The following TMEM98 variants were observed in gnomAD, a reference collection of about 807,000 sequenced individuals.
The protein encoded by TMEM98 is transmembrane protein 98.
TMEM98 carries 18 observed loss-of-function variants against 25.0 expected under a neutral mutation model. The ratio of observed to expected loss-of-function variants is 0.72; its 90% confidence interval spans 0.50 to 1.07. The LOEUF is 1.07. TMEM98 is among the 50% of genes least tolerant of loss of function. TMEM98 has a pLI of 0.00. For synonymous variants in TMEM98, 103 were observed against 112.4 expected (o/e 0.92, Z 0.53); for missense variants, 241 against 289.0 (o/e 0.83, Z 1.20).
chr17:32,929,161 T>C (rs115615726), intron 1 of TMEM98, among the ~76,000 whole-genome samples: 3,637 of 150,970 alleles, frequency 0.024, 144 homozygotes, highest in African/African-American at 0.083. Flanking sequence ...CTCAGAAACA[T>C]AGCTAACACT....
intron 7 of TMEM98, among the ~76,000 whole-genome samples, chr17:32,940,062 G>A (rs543799853): frequency 7.9e-5 from 12 of 152,244 alleles, no homozygotes; most frequent in East Asian, 1.9e-4. Flanking sequence ...AGATTCTTTC[G>A]TGCCTTGGAT....
intron 7 of TMEM98, 127 bp downstream of exon 7, chr17:32,939,663 G>A (rs1039388066): frequency 1.5e-5 from 17 of 1,121,562 alleles, no homozygotes; most frequent in African/African-American, 6.2e-5. Flanking sequence ...TAGGCTGCCC[G>A]GGCCATGCGT....
At chr17:32,934,450 A>G in intron 5 of TMEM98, 126 bp downstream of exon 5, 2 of 1,062,612 alleles carry the variant, frequency 1.9e-6, no homozygotes, top group Non-Finnish European at 2.8e-6. Context: ...TTAACTTGAC[A>G]CTTGGAATTT....
intron 5 of TMEM98, among the ~76,000 whole-genome samples, chr17:32,934,641 C>T (rs960759667): frequency 7.2e-5 from 11 of 152,164 alleles, no homozygotes; most frequent in Non-Finnish European, 1.2e-4. Flanking sequence ...GTGTAGCTGC[C>T]AAGAGAAATG....
In TMEM98 at chr17:32,936,278, A is replaced by C; in HGVS notation, c.298-54A>C. 2.8e-6 allele frequency: 4 copies of C among 1,450,020 alleles called. No individual in the cohort carries two copies. The East Asian group carries it at 9.1e-5, about 33-fold the overall frequency. The allele number at this position is 1,450,020 out of a possible 1,614,324, so 89.8% of individuals were successfully genotyped here. A position where few individuals can be genotyped will look rare whatever the true frequency, so the allele number is the denominator to read the frequency against. ...GCTGATTTGTCTCGTGGGGGTGGCGAGGCCCTGAGTGGAGCCAGGTCAGCC... is the reference window on the plus strand; with the variant it reads ...GCTGATTTGTCTCGTGGGGGTGGCGCGGCCCTGAGTGGAGCCAGGTCAGCC... On this transcript the variant is annotated intron_variant, in intron 5 of 7. Coordinates refer to ENST00000579849, the MANE Select transcript of TMEM98 (RefSeq NM_015544.3).
At chr17:32,934,257 G>A (rs1355998657) in intron 4 of TMEM98, 34 bp from the exon 5 acceptor site, 3 of 1,613,826 alleles carry the variant, frequency 1.9e-6, no homozygotes, top group East Asian at 4.5e-5. Context: ...GGCCCCTCCA[G>A]ATGAGCACTG....
chr17:32,934,144 T>A, intron 4 of TMEM98, 147 bp from the exon 5 acceptor site: 1 of 809,110 alleles, frequency 1.2e-6, no homozygotes, highest in Non-Finnish European at 2.1e-6. Flanking sequence ...CATGGGCTGG[T>A]TCATGTTGAC....
intron 6 of TMEM98, 57 bp from the exon 7 acceptor site, chr17:32,939,420 A>AGAGG: frequency 6.8e-7 from 1 of 1,461,956 alleles, no homozygotes; most frequent in South Asian, 1.2e-5. Context: ...AAAAAAAAAA[A>AGAGG]AAGGAGAAAA....
intron 6 of TMEM98, among the ~76,000 whole-genome samples, chr17:32,939,226 G>A (rs1452833660): frequency 6.6e-6 from 1 of 152,060 alleles, no homozygotes; most frequent in Non-Finnish European, 1.5e-5. Context: ...GGCCAACATG[G>A]TGAAACCCCG....
chr17:32,933,658 A>G (rs549331096), intron 4 of TMEM98, among the ~76,000 whole-genome samples: 2 of 152,262 alleles, frequency 1.3e-5, no homozygotes, highest in East Asian at 3.9e-4. Context: ...ATCCAACAGG[A>G]GCCCCTACAT....
At chr17:32,936,303 C>T in intron 5 of TMEM98, 29 bp from the exon 6 acceptor site, 3 of 1,592,188 alleles carry the variant, frequency 1.9e-6, no homozygotes, top group African/African-American at 1.3e-5. Flanking sequence ...CCAGGTCAGC[C>T]CTCATCTCTC....
intron 3 of TMEM98, 55 bp downstream of exon 3, chr17:32,931,714 G>T: frequency 1.3e-6 from 2 of 1,568,422 alleles, no homozygotes; most frequent in Non-Finnish European, 1.7e-6. Flanking sequence ...TAAAGAAAAA[G>T]AGAGGAACAC....
chr17:32,934,412 G>A (rs2091485137), intron 5 of TMEM98, 88 bp downstream of exon 5: 32 of 1,473,280 alleles, frequency 2.2e-5, no homozygotes, highest in Non-Finnish European at 2.6e-5. Context: ...CTTAGAAAGG[G>A]CACTGACCTC....
intron 7 of TMEM98, among the ~76,000 whole-genome samples, 170 bp downstream of exon 7, chr17:32,939,706 G>A (rs2091518417): frequency 6.6e-6 from 1 of 152,202 alleles, no homozygotes; most frequent in South Asian, 2.1e-4. Context: ...GCCTGACTGG[G>A]TGATAGAGGC....
chr17:32,943,921 C>G lies in TMEM98; in HGVS notation c.*2928C>G, dbSNP rs990828429. 2.2e-4 allele frequency: 34 copies of G among 152,310 alleles called. 1 individual carries two copies. The highest frequency in any genetic ancestry group is 7.3e-5 in the Non-Finnish European group (5 of 68,116). 9.4% of individuals were successfully genotyped at this position (152,310 alleles called of 1,614,324 possible). ...GCTCTGGAATTGAGTGGCCAAAAATCTGGAATCCCTACAGTAGGGAGAGTA... is the reference window on the plus strand; with the variant it reads ...GCTCTGGAATTGAGTGGCCAAAAATGTGGAATCCCTACAGTAGGGAGAGTA... On this transcript the variant is annotated 3_prime_UTR_variant, in exon 8 of 8. Coordinates refer to ENST00000579849, the MANE Select transcript of TMEM98 (RefSeq NM_015544.3).
chr17:32,936,099 C>G (rs1347636412), intron 5 of TMEM98, among the ~76,000 whole-genome samples: 1 of 152,148 alleles, frequency 6.6e-6, no homozygotes, highest in Admixed American at 6.5e-5. Flanking sequence ...CTTCCCAGAG[C>G]CCACACCCTG....
At chr17:32,928,267 C>A (rs113869178) in intron 1 of TMEM98, 30 bp downstream of exon 1, 15,420 of 146,550 alleles carry the variant, frequency 0.11, 902 homozygotes, top group Middle Eastern at 0.22. Context: ...CCGGGCGGGC[C>A]GCGGCGAGTC....
intron 5 of TMEM98, among the ~76,000 whole-genome samples, chr17:32,936,020 T>G (rs913378611): frequency 4.6e-5 from 7 of 152,148 alleles, no homozygotes; most frequent in Admixed American, 3.3e-4. Context: ...GAAAGTAGGT[T>G]TTTCCCCTAA....
At chr17:32,938,303 G>A (rs1263672968) in intron 6 of TMEM98, among the ~76,000 whole-genome samples, 5 of 152,110 alleles carry the variant, frequency 3.3e-5, no homozygotes, top group Admixed American at 1.3e-4. Flanking sequence ...TGTGAGTCTC[G>A]AGGAGGTGGC....
Sources: gnomAD v4.1 joint callset for allele counts (sites outside exome capture counted in the v4.1 genomes callset) on GRCh38, gnomAD v4.1.1 for gene constraint, MANE v1.5 for transcripts, NCBI Gene and HGNC (gene_info 2026-07-23, HGNC 2026-07-21) for gene names.